CLMN: variants seen among roughly 807,000 people sequenced by gnomAD.
The protein encoded by CLMN is calmin.
Under a neutral mutation model 92.7 loss-of-function variants are expected in CLMN, and 57 were observed. That is an observed-to-expected ratio of 0.61 (90% CI 0.50 to 0.77). The LOEUF is 0.77. Among genes scored for constraint, CLMN ranks in the 30% least tolerant of loss-of-function variants. CLMN has a pLI of 0.00. For synonymous variants in CLMN, 466 were observed against 470.6 expected (o/e 0.99, Z 0.13); for missense variants, 1,158 against 1,237.5 (o/e 0.94, Z 0.96).
At chr14:95,205,856 CA>C (rs1214460631) in intron 8 of CLMN, among the ~76,000 whole-genome samples, 1 of 151,946 alleles carries the variant, frequency 6.6e-6, no homozygotes, top group Non-Finnish European at 1.5e-5. Context: ...TAAATGCACA[CA>C]AAAGAAATCC....
chr14:95,215,852 TGTGTG>T, intron 4 of CLMN, 119 bp from the exon 5 acceptor site: 1 of 647,134 alleles, frequency 1.5e-6, no homozygotes, highest in East Asian at 2.8e-5. Flanking sequence ...TGTGTGTGTG[TGTGTG>T]TGTTTGCATG....
At chr14:95,267,268 A>C (rs1899509005) in intron 1 of CLMN, among the ~76,000 whole-genome samples, 1 of 152,240 alleles carries the variant, frequency 6.6e-6, no homozygotes, top group Non-Finnish European at 1.5e-5. Context: ...AATATTTGCA[A>C]ACCATCCATC....
chr14:95,215,855 G>A, intron 4 of CLMN, 122 bp from the exon 5 acceptor site: 1 of 633,142 alleles, frequency 1.6e-6, no homozygotes. Context: ...GTGTGTGTGT[G>A]TGTGTTTGCA....
chr14:95,232,033 G>A (rs1164321834), intron 1 of CLMN, among the ~76,000 whole-genome samples: 1 of 152,230 alleles, frequency 6.6e-6, no homozygotes, highest in Non-Finnish European at 1.5e-5. Context: ...CTGTTTTACA[G>A]ATGAAGAAAC....
chr14:95,268,083 A>G (rs1899547054), intron 1 of CLMN, among the ~76,000 whole-genome samples: 1 of 152,206 alleles, frequency 6.6e-6, no homozygotes, highest in Non-Finnish European at 1.5e-5. Context: ...GATAAAAGGA[A>G]TAAGACCTAG....
chr14:95,234,220 A>G (rs1156318735), intron 1 of CLMN, among the ~76,000 whole-genome samples: 1 of 152,194 alleles, frequency 6.6e-6, no homozygotes, highest in Non-Finnish European at 1.5e-5. Context: ...AAATGATATC[A>G]GCCCAGAAAG....
At position 95,317,109 on chromosome 14, in the gene CLMN, C is replaced by A. The variant is rs74079805; in HGVS notation, c.82+2602G>T. 4.3e-3 allele frequency among the ~76,000 whole-genome samples: 659 copies of A among 152,308 alleles called. 4 individuals are homozygous for A. The highest frequency in any genetic ancestry group is 0.015 in the African/African-American group (623 of 41,554). ...GGCCCCTGCTGGTGGCCCCCAAAGTCGATCATCCAGGCACATCCCGGGCCA... is the reference window on the plus strand; with the variant it reads ...GGCCCCTGCTGGTGGCCCCCAAAGTAGATCATCCAGGCACATCCCGGGCCA... On this transcript the variant is annotated intron_variant, in intron 1 of 12. Transcript: ENST00000298912.
intron 1 of CLMN, among the ~76,000 whole-genome samples, chr14:95,289,527 A>C (rs904017237): frequency 2.0e-5 from 3 of 151,666 alleles, no homozygotes; most frequent in Non-Finnish European, 4.4e-5. Flanking sequence ...ACAAACAAAA[A>C]AACCGTTGTT....
At chr14:95,237,830 C>A (rs1898108941) in intron 1 of CLMN, among the ~76,000 whole-genome samples, 1 of 152,162 alleles carries the variant, frequency 6.6e-6, no homozygotes, top group African/African-American at 2.4e-5. Flanking sequence ...TTGGTCTGAG[C>A]TGACCTCTGC....
Position 95,191,583 on chromosome 14 carries a change from A to AGTT in CLMN, c.2987_2989dup (p.Gln996dup). ...CACGTATCAGAGCCTGCTAACATCC[A>AGTT]GTTGTGGGAAGAGCAGCAAGCAGTA... On this transcript the variant is annotated inframe_insertion, in exon 13 of 13. Transcript: ENST00000298912. The surrounding 1 kb of genome is among the most constrained non-coding windows in gnomAD (Gnocchi z 5.3). 1.2e-6 allele frequency: 2 copies of AGTT among 1,612,882 alleles called. No individual in the cohort carries two copies. The highest frequency in any genetic ancestry group is 1.7e-6 in the Non-Finnish European group (2 of 1,179,540).
At chr14:95,275,698 C>T (rs1566908909) in intron 1 of CLMN, among the ~76,000 whole-genome samples, 1 of 152,218 alleles carries the variant, frequency 6.6e-6, no homozygotes, top group East Asian at 1.9e-4. Flanking sequence ...GTTTCACTTT[C>T]ATCACCTAGA....
At chr14:95,211,662 A>C (rs1274645970) in intron 6 of CLMN, among the ~76,000 whole-genome samples, 5 of 149,916 alleles carry the variant, frequency 3.3e-5, no homozygotes, top group Admixed American at 2.7e-4. Flanking sequence ...AAAAAAAAAA[A>C]AAAACCAAAA....
intron 7 of CLMN, among the ~76,000 whole-genome samples, chr14:95,210,164 T>C (rs1897156085): frequency 1.3e-5 from 2 of 152,182 alleles, no homozygotes. Flanking sequence ...GTGATTCTCC[T>C]GCCTCAGTCT....
chr14:95,204,021 G>A lies in CLMN; in HGVS notation c.1328C>T (p.Ser443Phe). ...TCTTGGGCTCCCTTCAAAGCAAAGG[G>A]ACAGGTTCTTACTGCAGAAAGGATC... is the stretch of plus-strand genomic sequence containing the variant. ...YKDPFCSKNL[S>F]LCFEGSPRVA... is the part of the protein sequence containing the mutation. The change falls in exon 9 of 13, where the codon TCC becomes TTC. Residue 443 changes from serine to phenylalanine, a missense_variant. By Grantham distance (155) the Ser-to-Phe change is radical. Transcript: ENST00000298912. 6.2e-7 allele frequency: 1 copy of A among 1,614,164 alleles called. No individual in the cohort carries two copies. The highest frequency in any genetic ancestry group is 1.1e-5 in the South Asian group (1 of 91,074).
rs950394229 is a variant in CLMN at position 95,187,299 on chromosome 14, T to C, written c.*4265A>G. On this transcript the variant is annotated 3_prime_UTR_variant, in exon 13 of 13. Coordinates refer to ENST00000298912, the MANE Select transcript of CLMN (RefSeq NM_024734.4). Reference sequence around the variant, plus strand: ...GAAAATAGGAGCAGAGGAATGAAAGTTATATTAATACAACCATGAACACAG... The same window carrying C: ...GAAAATAGGAGCAGAGGAATGAAAGCTATATTAATACAACCATGAACACAG... 6.6e-6 allele frequency: 1 copy of C among 152,188 alleles called. No individual in the cohort carries two copies. Among genetic ancestry groups the C allele is most frequent in the African/African-American group, 2.4e-5 (1 of 41,426 alleles). The allele number at this position is 152,188 out of a possible 1,614,324, so 9.4% of individuals were successfully genotyped here.
chr14:95,288,359 G>T (rs1325372817), intron 1 of CLMN, among the ~76,000 whole-genome samples: 2 of 152,184 alleles, frequency 1.3e-5, no homozygotes, highest in Non-Finnish European at 2.9e-5. Context: ...CCTAAGAGAA[G>T]CCTTAAAGAG....
At chr14:95,245,182 A>C (rs1595619308) in intron 1 of CLMN, among the ~76,000 whole-genome samples, 1 of 41,734 alleles carries the variant, frequency 2.4e-5, no homozygotes, top group African/African-American at 1.2e-4. Context: ...TATTATATAT[A>C]TATATATATA....
chr14:95,276,127 C>G (rs547008563), intron 1 of CLMN, among the ~76,000 whole-genome samples: 1 of 152,188 alleles, frequency 6.6e-6, no homozygotes, highest in Admixed American at 6.5e-5. Context: ...TGAGGAGACC[C>G]CTGACTCAAA....
intron 1 of CLMN, among the ~76,000 whole-genome samples, chr14:95,236,874 G>A (rs866468073): frequency 6.6e-5 from 10 of 152,154 alleles, no homozygotes; most frequent in African/African-American, 2.4e-4. Context: ...ACCATGTGGG[G>A]TTGTGGGAAT....
Sources: allele counts gnomAD v4.1 joint callset (sites outside exome capture counted in the v4.1 genomes callset), GRCh38; gene constraint gnomAD v4.1.1; non-coding constraint Gnocchi (gnomAD v3.1); transcripts MANE v1.5; gene names NCBI Gene and HGNC (gene_info 2026-07-23, HGNC 2026-07-21).